GRIK2: variants seen among roughly 807,000 people sequenced by gnomAD.
The protein encoded by GRIK2 is glutamate receptor ionotropic, kainate 2.
Under a neutral mutation model 100.3 loss-of-function variants are expected in GRIK2, and 32 were observed. The ratio of observed to expected loss-of-function variants is 0.32; its 90% confidence interval spans 0.24 to 0.43. GRIK2 has a LOEUF of 0.43. Ranked by LOEUF, GRIK2 falls within the 20% of genes least tolerant of loss-of-function variation. The pLI, the probability that GRIK2 is intolerant of heterozygous loss-of-function variation, is 1.00. For missense variants in GRIK2, 843 were observed against 1,114.9 expected (o/e 0.76, Z 3.47); for synonymous variants, 417 against 389.4 (o/e 1.07, Z -0.83).
chr6:101,417,212 G>GA (rs1364515338), intron 2 of GRIK2, among the ~76,000 whole-genome samples: 4 of 152,122 alleles, frequency 2.6e-5, no homozygotes, highest in Non-Finnish European at 4.4e-5. Context: ...AATTGCATGG[G>GA]AAAAACATGC....
intron 2 of GRIK2, among the ~76,000 whole-genome samples, chr6:101,603,729 G>T (rs182358286): frequency 1.1e-4 from 16 of 151,540 alleles, no homozygotes; most frequent in East Asian, 9.8e-4. Flanking sequence ...GTGATGAAAG[G>T]GTCAGAAGCA....
In GRIK2 at chr6:101,889,822, G is replaced by A; in HGVS notation, c.1707G>A (p.Leu569=). The part of the protein sequence containing the change: ...LSPDIWMYIL[L]AYLGVSCVLF... ...CTGATATCTGGATGTATATTCTGCT[G>A]GCTTACTTGGGTGTCAGTTGTGTGC... is the stretch of plus-strand genomic sequence containing the variant. The change falls in exon 12 of 17, where the codon CTG becomes CTA. Residue 569 remains leucine (L), a synonymous_variant. Coordinates refer to ENST00000369134, the MANE Select transcript of GRIK2 (RefSeq NM_021956.5). The A allele has an allele frequency of 6.2e-7, 1 of 1,613,270 alleles. No homozygotes were observed. The highest frequency in any genetic ancestry group is 8.5e-7 in the Non-Finnish European group (1 of 1,179,428).
chr6:101,961,791 C>T (rs1456886565), intron 14 of GRIK2, among the ~76,000 whole-genome samples: 1 of 152,100 alleles, frequency 6.6e-6, no homozygotes, highest in Admixed American at 6.5e-5. Context: ...CCCCTTTATC[C>T]TGCTGGTCCT....
At position 101,498,459 on chromosome 6, in the gene GRIK2, G is replaced by A. The variant is rs1480390094; in HGVS notation, c.115+99067G>A. 3.3e-5 allele frequency among the ~76,000 whole-genome samples: 5 copies of A among 151,602 alleles called. No homozygotes were observed. In the East Asian group the frequency reaches 5.9e-4, roughly 18 times the overall value. ...AATCGCCACACTGACTTCCACAATG[G>A]TTGAACTAGTTTACAGTCCCACCAA... On this transcript the variant is annotated intron_variant, in intron 2 of 16. Coordinates refer to ENST00000369134, the MANE Select transcript of GRIK2 (RefSeq NM_021956.5).
At chr6:102,027,159 A>G (rs1049952571) in intron 14 of GRIK2, among the ~76,000 whole-genome samples, 8 of 151,446 alleles carry the variant, frequency 5.3e-5, no homozygotes, top group African/African-American at 1.9e-4. Context: ...CTATAGCCAA[A>G]TATTTAAGTT....
intron 15 of GRIK2, among the ~76,000 whole-genome samples, chr6:102,053,153 A>G (rs1160330295): frequency 1.3e-5 from 2 of 152,016 alleles, no homozygotes; most frequent in Non-Finnish European, 2.9e-5. Context: ...CAACTTTTTG[A>G]TAACCAGGTG....
At chr6:101,996,366 A>C (rs1316316685) in intron 14 of GRIK2, among the ~76,000 whole-genome samples, 1 of 152,074 alleles carries the variant, frequency 6.6e-6, no homozygotes, top group Non-Finnish European at 1.5e-5. Context: ...GTGAAGAAAT[A>C]ATGTTTTTAA....
chr6:101,936,448 T>C (rs1295349607), intron 14 of GRIK2, among the ~76,000 whole-genome samples: 1 of 152,112 alleles, frequency 6.6e-6, no homozygotes, highest in African/African-American at 2.4e-5. Context: ...AATACAGTTT[T>C]AATATAAATT....
intron 7 of GRIK2, among the ~76,000 whole-genome samples, chr6:101,776,428 G>T (rs1047243990): frequency 6.6e-6 from 1 of 152,096 alleles, no homozygotes; most frequent in Admixed American, 6.6e-5. Flanking sequence ...GACAAATAAG[G>T]GTTATGGTTA....
At chr6:102,063,252 T>C (rs1368501869) in intron 16 of GRIK2, among the ~76,000 whole-genome samples, 5 of 150,772 alleles carry the variant, frequency 3.3e-5, no homozygotes, top group Admixed American at 1.3e-4. Flanking sequence ...TTATTCTGAA[T>C]GAATACTAAA....
intron 14 of GRIK2, among the ~76,000 whole-genome samples, chr6:102,009,722 A>G (rs961244078): frequency 1.3e-5 from 2 of 152,110 alleles, no homozygotes; most frequent in African/African-American, 2.4e-5. Flanking sequence ...TACTTTTCCA[A>G]ACTCTTACGG....
chr6:101,651,368 C>T (rs1423581202), intron 4 of GRIK2, among the ~76,000 whole-genome samples: 1 of 152,122 alleles, frequency 6.6e-6, no homozygotes, highest in Admixed American at 6.6e-5. Flanking sequence ...TATTTGAGCT[C>T]TTACCATGTG....
chr6:101,697,125 A>T (rs1050097252), intron 7 of GRIK2, among the ~76,000 whole-genome samples: 1 of 152,034 alleles, frequency 6.6e-6, no homozygotes, highest in African/African-American at 2.4e-5. Flanking sequence ...GGTTGTCATA[A>T]GGATCAAAAG....
chr6:101,682,429 T>A, intron 5 of GRIK2, 124 bp from the exon 6 acceptor site: 1 of 650,406 alleles, frequency 1.5e-6, no homozygotes, highest in Non-Finnish European at 2.8e-6. Context: ...AACCTAATTG[T>A]ATGTAACATG....
At chr6:102,064,320 C>CTTCCT (rs374625384) in intron 16 of GRIK2, among the ~76,000 whole-genome samples, 2,526 of 147,998 alleles carry the variant, frequency 0.017, 75 homozygotes, top group African/African-American at 0.06. Flanking sequence ...TCTCCTCCTC[C>CTTCCT]TTCCTTTCCT....
intron 2 of GRIK2, among the ~76,000 whole-genome samples, chr6:101,482,098 G>A (rs1228031262): frequency 3.3e-5 from 5 of 152,172 alleles, no homozygotes; most frequent in Non-Finnish European, 7.4e-5. Context: ...ATAGCGGTGT[G>A]AAAATGGACT....
chr6:101,574,157 A>G (rs950251694), intron 2 of GRIK2, among the ~76,000 whole-genome samples: 1 of 151,042 alleles, frequency 6.6e-6, no homozygotes, highest in Non-Finnish European at 1.5e-5. Flanking sequence ...GATAAATTAT[A>G]GGTGTTTATA....
chr6:101,510,942 C>T (rs1022371272), intron 2 of GRIK2, among the ~76,000 whole-genome samples: 3 of 152,074 alleles, frequency 2.0e-5, no homozygotes, highest in African/African-American at 7.2e-5. Flanking sequence ...ACAAAATGAT[C>T]GGCCAAAAGA....
At chr6:101,405,062 C>G (rs1481008541) in intron 2 of GRIK2, among the ~76,000 whole-genome samples, 1 of 152,058 alleles carries the variant, frequency 6.6e-6, no homozygotes, top group Non-Finnish European at 1.5e-5. Flanking sequence ...CAACAGAGCA[C>G]AGAACACAAC....
Sources: allele counts gnomAD v4.1 joint callset (sites outside exome capture counted in the v4.1 genomes callset), GRCh38; gene constraint gnomAD v4.1.1; transcripts MANE v1.5; gene names NCBI Gene and HGNC (gene_info 2026-07-23, HGNC 2026-07-21).